Variants in EML5 observed in about 807,000 individuals in gnomAD.
EML5 encodes the protein echinoderm microtubule-associated protein-like 5.
A neutral mutation model predicts 250.0 loss-of-function variants in EML5; 120 were observed. The ratio of observed to expected loss-of-function variants is 0.48; its 90% CI spans 0.41 to 0.56. The LOEUF (loss-of-function observed/expected upper bound fraction) is 0.56. Ranked by LOEUF, EML5 falls within the 20% of genes least tolerant of loss-of-function variation. The pLI, the probability that EML5 is intolerant of heterozygous loss-of-function variation, is 0.00. For synonymous variants in EML5, 771 were observed against 806.5 expected (o/e 0.96, Z 0.75); for missense variants, 2,006 against 2,437.6 (o/e 0.82, Z 3.73).
chr14:88,742,890 T>C (rs1477614540), intron 4 of EML5, among the ~76,000 whole-genome samples: 3 of 152,022 alleles, frequency 2.0e-5, no homozygotes, highest in African/African-American at 2.4e-5. Flanking sequence ...CATATTGAAA[T>C]AAAGAATGTG....
In EML5 at chr14:88,744,018, A is replaced by T; in HGVS notation, c.525+5T>A. 1 of 1,552,222 alleles carries T rather than the reference A, an allele frequency of 6.4e-7. No individual in the cohort carries two copies. Among genetic ancestry groups the T allele is most frequent in the Non-Finnish European group, 8.7e-7 (1 of 1,143,052 alleles). ...GACTATTATAAAACAAGACCCTTCTAGTACCTTGATATGTTTTACACCACA... is the reference window on the plus strand; with the variant it reads ...GACTATTATAAAACAAGACCCTTCTTGTACCTTGATATGTTTTACACCACA... On this transcript the variant is annotated splice_donor_5th_base_variant and intron_variant, in intron 4 of 43. Coordinates refer to ENST00000554922, the MANE Select transcript of EML5 (RefSeq NM_183387.3).
At chr14:88,777,462 T>C (rs1476624367) in intron 1 of EML5, among the ~76,000 whole-genome samples, 5 of 152,178 alleles carry the variant, frequency 3.3e-5, no homozygotes, top group African/African-American at 4.8e-5. Flanking sequence ...GAAAAGGACA[T>C]TAATGAGCAA....
intron 1 of EML5, among the ~76,000 whole-genome samples, chr14:88,760,695 C>T (rs1424866138): frequency 6.6e-6 from 1 of 152,048 alleles, no homozygotes; most frequent in African/African-American, 2.4e-5. Context: ...TCCTATATAT[C>T]TTGTTGGGAT....
chr14:88,617,148 TTC>T (rs1472967327), intron 41 of EML5: 15 of 252,582 alleles, frequency 5.9e-5, no homozygotes, highest in Non-Finnish European at 7.5e-5. Context: ...GAACTATTTT[TTC>T]TTTTTTTTTT....
chr14:88,660,002 A>G lies in EML5; in HGVS notation c.3676-1614T>C, dbSNP rs1372416786. Among the ~76,000 whole-genome samples, 4 of 152,290 alleles carry G rather than the reference A, an allele frequency of 2.6e-5. No homozygotes were observed. The East Asian group carries it at 7.7e-4, about 29-fold the overall frequency. ...ATTAAGAAATAAATGCTGCCAGATA[A>G]CAGTGACTCGCGCCTGTAATCCCAC... On this transcript the variant is annotated intron_variant, in intron 25 of 43. Transcript: ENST00000554922.
chr14:88,618,390 G>T, intron 40 of EML5, 59 bp from the exon 41 acceptor site: 1 of 1,460,180 alleles, frequency 6.8e-7, no homozygotes, highest in Non-Finnish European at 9.6e-7. Flanking sequence ...AAAATCCACA[G>T]GGGGTTTACA....
chr14:88,654,249 T>C (rs1331151709), intron 27 of EML5, among the ~76,000 whole-genome samples: 2 of 152,138 alleles, frequency 1.3e-5, no homozygotes, highest in Admixed American at 6.5e-5. Context: ...GATTCACTGA[T>C]TTTTTGAAGG....
intron 2 of EML5, among the ~76,000 whole-genome samples, chr14:88,750,503 T>C (rs1363563694): frequency 6.6e-6 from 1 of 152,148 alleles, no homozygotes; most frequent in Non-Finnish European, 1.5e-5. Context: ...TTAGAGTGCC[T>C]GGTATATGAC....
At chr14:88,722,034 T>C (rs2093597896) in intron 8 of EML5, among the ~76,000 whole-genome samples, 1 of 152,144 alleles carries the variant, frequency 6.6e-6, no homozygotes, top group Non-Finnish European at 1.5e-5. Flanking sequence ...CACTGATTAT[T>C]AGAAAAATGC....
chr14:88,641,774 G>C (rs935759335), intron 31 of EML5, among the ~76,000 whole-genome samples: 3 of 152,074 alleles, frequency 2.0e-5, no homozygotes, highest in African/African-American at 7.2e-5. Flanking sequence ...AAAGCAGGTG[G>C]CCTAGTCTCC....
rs573415428 is a variant in EML5 at position 88,759,188 on chromosome 14, G to T, written c.198-4517C>A. On this transcript the variant is annotated intron_variant, in intron 1 of 43. Coordinates refer to ENST00000554922, the MANE Select transcript of EML5 (RefSeq NM_183387.3). ...TTTTTAAAAAGTGAAAAAAAATACT[G>T]ACATTACTGTCTGTACACATATTTT... is the stretch of plus-strand genomic sequence containing the variant. 2.8e-3 allele frequency among the ~76,000 whole-genome samples: 432 copies of T among 152,124 alleles called. 1 individual carries two copies. Among genetic ancestry groups the T allele is most frequent in the Non-Finnish European group, 4.5e-3 (309 of 68,006 alleles).
intron 1 of EML5, among the ~76,000 whole-genome samples, chr14:88,778,465 AC>A (rs1272602923): frequency 6.6e-6 from 1 of 152,202 alleles, no homozygotes; most frequent in African/African-American, 2.4e-5. Context: ...CTGTTTCTGG[AC>A]ATAGAACTGT....
intron 23 of EML5, 48 bp downstream of exon 23, chr14:88,664,445 T>C: frequency 6.6e-7 from 1 of 1,521,326 alleles, no homozygotes; most frequent in South Asian, 1.3e-5. Context: ...ATAGCTATAC[T>C]AAATCAAATG....
chr14:88,721,255 GA>G (rs375714564), intron 8 of EML5, among the ~76,000 whole-genome samples: 2 of 152,022 alleles, frequency 1.3e-5, no homozygotes, highest in East Asian at 1.9e-4. Context: ...CAAAGAATTA[GA>G]AAAAAACTAC....
intron 10 of EML5, among the ~76,000 whole-genome samples, chr14:88,709,560 AC>A (rs1255294084): frequency 6.6e-6 from 1 of 152,326 alleles, no homozygotes; most frequent in African/African-American, 2.4e-5. Flanking sequence ...CATCATTTAC[AC>A]CAACTGGGTT....
rs528459743 is a variant in EML5 at position 88,764,175 on chromosome 14, T to A, written c.198-9504A>T. On this transcript the variant is annotated intron_variant, in intron 1 of 43. Transcript: ENST00000554922. ...GCTTATTTTGTTGAGAATTTTTACA[T>A]CTATATTAATGAGGGACAGTTGTCT... Among the ~76,000 whole-genome samples the A allele has an allele frequency of 2.0e-5, 3 of 152,332 alleles. No individual in the cohort carries two copies. In the South Asian group the frequency reaches 6.2e-4, roughly 32 times the overall value.
intron 1 of EML5, among the ~76,000 whole-genome samples, chr14:88,774,310 C>T (rs2094426992): frequency 6.6e-6 from 1 of 152,116 alleles, no homozygotes; most frequent in East Asian, 1.9e-4. Context: ...TCCAGGGCTG[C>T]CAGCTATGTG....
At chr14:88,745,451 T>C (rs1205397666) in intron 3 of EML5, among the ~76,000 whole-genome samples, 3 of 152,166 alleles carry the variant, frequency 2.0e-5, no homozygotes, top group African/African-American at 7.2e-5. Context: ...CTGGCTATGA[T>C]GTATTGTTTA....
intron 21 of EML5, 32 bp from the exon 22 acceptor site, chr14:88,665,521 C>T (rs1196603810): frequency 6.2e-7 from 1 of 1,612,652 alleles, no homozygotes; most frequent in South Asian, 1.1e-5. Flanking sequence ...AGGCAATTTT[C>T]CCTTTTTTCT....
Sources: allele counts gnomAD v4.1 joint callset (sites outside exome capture counted in the v4.1 genomes callset), GRCh38; gene constraint gnomAD v4.1.1; transcripts MANE v1.5; gene names NCBI Gene and HGNC (gene_info 2026-07-23, HGNC 2026-07-21).